ZNF677: variants seen among roughly 807,000 people sequenced by gnomAD.
ZNF677 encodes zinc finger protein 677, also known as hypothetical protein MGC48625.
A neutral mutation model predicts 8.1 loss-of-function variants in ZNF677; 5 were observed. The observed-to-expected ratio is 0.62, with a 90% confidence interval of 0.32 to 1.29. The LOEUF (loss-of-function observed/expected upper bound fraction) is 1.29. Ranked by LOEUF, ZNF677 falls within the 50% of genes most tolerant of loss-of-function variation. ZNF677 has a pLI of 0.05. For synonymous variants in ZNF677, 221 were observed against 225.6 expected, an observed-to-expected ratio of 0.98 and a Z score of 0.18; for missense variants, 685 against 685.9, an observed-to-expected ratio of 1.00 and a Z score of 0.01.
intron 3 of ZNF677, 21 bp from the exon 4 acceptor site, chr19:53,243,918 A>G: frequency 1.3e-6 from 2 of 1,552,910 alleles, no homozygotes; most frequent in South Asian, 1.2e-5. Flanking sequence ...AACACACTTC[A>G]CCAAGTGGAC....
chr19:53,244,321 T>C (rs76729818), intron 3 of ZNF677, among the ~76,000 whole-genome samples: 2,142 of 152,324 alleles, frequency 0.014, 61 homozygotes, highest in African/African-American at 0.049. Context: ...AGTGATCATG[T>C]CACTGCACCC....
Position 53,237,336 on chromosome 19 carries a change from CATTT to C in ZNF677, c.1387_1390del (p.Lys463ValfsTer149). 1 of 1,613,652 alleles carries C rather than the reference CATTT, an allele frequency of 6.2e-7. No individual in the cohort carries two copies. The highest frequency in any genetic ancestry group is 8.5e-7 in the Non-Finnish European group (1 of 1,179,922). On this transcript the variant is annotated frameshift_variant, in exon 5 of 5. Transcript: ENST00000598513. LOFTEE classifies it low-confidence loss of function (END_TRUNC). ...TGAACGTTTGATAAAAGCTTTATCA[CATTT>C]ATTACATTTGTAAGGTTTTTCTCCA...
At chr19:53,253,182 G>A (rs569144718) in intron 1 of ZNF677, 26 bp from the exon 2 acceptor site, 1 of 152,262 alleles carries the variant, frequency 6.6e-6, no homozygotes, top group South Asian at 2.1e-4. Flanking sequence ...AAGAGAAGAG[G>A]TTCATTTTGC....
At chr19:53,244,609 C>T (rs1312848731) in intron 3 of ZNF677, among the ~76,000 whole-genome samples, 1 of 152,116 alleles carries the variant, frequency 6.6e-6, no homozygotes. Context: ...GCAGACAAAA[C>T]AAATAAATGG....
intron 3 of ZNF677, among the ~76,000 whole-genome samples, chr19:53,250,062 G>A (rs1041937122): frequency 6.6e-6 from 1 of 151,968 alleles, no homozygotes; most frequent in Admixed American, 6.6e-5. Context: ...AGTAGAGACG[G>A]GATTTCACCA....
rs2090965864 is a variant in ZNF677, at chr19:53,235,526, G to A, written c.*1446C>T. The A allele has an allele frequency of 6.6e-6, 1 of 152,174 alleles. No homozygotes were observed. The highest frequency in any genetic ancestry group is 1.9e-4 in the East Asian group (1 of 5,202). The allele number at this position is 152,174 out of a possible 1,614,324, so 9.4% of individuals were successfully genotyped here. A position where few individuals can be genotyped will look rare whatever the true frequency, so the allele number is the denominator to read the frequency against. On this transcript the variant is annotated 3_prime_UTR_variant, in exon 5 of 5. Transcript: ENST00000598513. ...CTACTCTGGTTCTTTTGATGGAACT[G>A]TCCTCTATGGTAACCATTCTCTCTT...
chr19:53,253,567 A>T (rs374949798), intron 1 of ZNF677, among the ~76,000 whole-genome samples: 2 of 152,118 alleles, frequency 1.3e-5, no homozygotes, highest in East Asian at 3.9e-4. Flanking sequence ...CATGCCTTTA[A>T]TCCCAGCCAC....
chr19:53,241,458 C>T (rs2091047920), intron 4 of ZNF677: 1 of 180,348 alleles, frequency 5.5e-6, no homozygotes, highest in African/African-American at 2.3e-5. Context: ...AAATGTACAA[C>T]TGCACGTATG....
At position 53,238,461 on chromosome 19, in the gene ZNF677, T is replaced by G. The variant is rs757381090; in HGVS notation, c.266A>C (p.His89Pro). Residue 89 changes from histidine (H) to proline (P), a missense_variant, in exon 5 of 5, where the codon CAT (histidine) becomes CCT (proline). Transcript: ENST00000598513. The stretch of plus-strand genomic sequence containing the variant: ...CTTGAGGTCAAAATTGTTGATGCCA[T>G]GGCTTTCCTTTCTTTCTAATATCAC... ...HLVILERKES[H>P]GINNFDLKEV... The G allele has an allele frequency of 9.3e-6, 15 of 1,613,338 alleles. No individual in the cohort carries two copies. In the South Asian group the frequency reaches 1.4e-4, roughly 15 times the overall value.
chr19:53,241,302 A>C (rs1042799800), intron 4 of ZNF677: 1 of 152,266 alleles, frequency 6.6e-6, no homozygotes, highest in Non-Finnish European at 1.5e-5. Flanking sequence ...ACTGCTGATT[A>C]AATACATACA....
intron 3 of ZNF677, among the ~76,000 whole-genome samples, chr19:53,246,487 TACACACAC>T (rs60644090): frequency 0.025 from 3,548 of 140,172 alleles, 71 homozygotes; most frequent in African/African-American, 0.047. Flanking sequence ...AAAGAAAATG[TACACACAC>T]ACACACACAC....
At position 53,238,285 on chromosome 19, in the gene ZNF677, T is replaced by C. The variant is rs763729396; in HGVS notation, c.442A>G (p.Ser148Gly). The change falls in exon 5 of 5, where the codon AGT (serine) becomes GGT (glycine). Residue 148 changes from serine (S) to glycine (G), a missense_variant. By Grantham distance (56) the Ser-to-Gly change is moderately conservative (BLOSUM62 0). Transcript: ENST00000598513. Reference protein sequence around the residue: ...KSSIHFSLKQSVSIRDSAHQY... With the variant: ...KSSIHFSLKQGVSIRDSAHQY... The stretch of plus-strand genomic sequence containing the variant: ...TGTGCACTATCTCTTATAGAAACAC[T>C]CTGCTTTAAAGAGAAATGTATTGAG... The C allele has an allele frequency of 1.9e-6, 3 of 1,613,946 alleles. No individual in the cohort carries two copies. Among genetic ancestry groups the C allele is most frequent in the Non-Finnish European group, 2.5e-6 (3 of 1,179,928 alleles).
At chr19:53,246,069 A>C (rs1218630539) in intron 3 of ZNF677, among the ~76,000 whole-genome samples, 1 of 152,088 alleles carries the variant, frequency 6.6e-6, no homozygotes, top group South Asian at 2.1e-4. Context: ...CTGTAATCCC[A>C]GCACTTCAGA....
chr19:53,248,470 CTT>C lies in ZNF677; in HGVS notation c.15+3064_15+3065del, dbSNP rs2091182222. On this transcript the variant is annotated intron_variant, in intron 3 of 4. Coordinates refer to ENST00000598513, the MANE Select transcript of ZNF677 (RefSeq NM_182609.4). ...TGTCCTTTTACTTCAGCCTAAAAGA[CTT>C]TGCTTAACATTTCATGCAGGGTAAG... 2.6e-5 allele frequency among the ~76,000 whole-genome samples: 4 copies of C among 152,158 alleles called. No individual in the cohort carries two copies. In the South Asian group the frequency reaches 8.3e-4, roughly 32 times the overall value.
intron 4 of ZNF677, chr19:53,242,365 A>C (rs2091066047): frequency 2.5e-6 from 1 of 398,558 alleles, no homozygotes. Context: ...GTACGGGAGT[A>C]AAATAAAAGG....
chr19:53,243,049 T>A (rs1384692876), intron 4 of ZNF677: 1 of 152,444 alleles, frequency 6.6e-6, no homozygotes, highest in Non-Finnish European at 1.5e-5. Flanking sequence ...AATAAACTTT[T>A]GTTTTCCCAC....
rs920343004 is a variant in ZNF677 at position 53,236,061 on chromosome 19, A to C, written c.*911T>G. On this transcript the variant is annotated 3_prime_UTR_variant, in exon 5 of 5. Coordinates refer to ENST00000598513, the MANE Select transcript of ZNF677 (RefSeq NM_182609.4). ...AAAACAAAAAAACAAAAAACTAGCC[A>C]GGCATGATGGCGCATGCCTGTAATC... 2.6e-5 allele frequency: 4 copies of C among 152,234 alleles called. No homozygotes were observed. Among genetic ancestry groups the C allele is most frequent in the African/African-American group, 9.7e-5 (4 of 41,440 alleles). 9.4% of individuals were successfully genotyped at this position (152,234 alleles called of 1,614,324 possible).
intron 3 of ZNF677, among the ~76,000 whole-genome samples, chr19:53,248,303 ATT>A (rs1864285915): frequency 6.6e-6 from 1 of 152,198 alleles, no homozygotes; most frequent in South Asian, 2.1e-4. Context: ...CCAGTAACAG[ATT>A]TACAATTACT....
Position 53,237,273 on chromosome 19 carries a change from T to G in ZNF677, c.1454A>C (p.Lys485Thr), listed in dbSNP as rs756495587. The change falls in exon 5 of 5, where the codon AAA becomes ACA. Residue 485 changes from lysine to threonine, a missense_variant. Lys to Thr is a moderately conservative substitution (Grantham distance 78). Transcript: ENST00000598513. Reference sequence around the variant, plus strand: ...GCCACATTCAGTACATTTGTAAGGTTTCTCTCCAGTATGAGTTCTCTGATG... The same window carrying G: ...GCCACATTCAGTACATTTGTAAGGTGTCTCTCCAGTATGAGTTCTCTGATG... ...WGHQRTHTGE[K>T]PYKCTECGKA... 1.2e-6 allele frequency: 2 copies of G among 1,613,822 alleles called. No homozygotes were observed. The highest frequency in any genetic ancestry group is 2.2e-5 in the South Asian group (2 of 91,052).
Sources: allele counts gnomAD v4.1 joint callset (sites outside exome capture counted in the v4.1 genomes callset), GRCh38; gene constraint gnomAD v4.1.1; transcripts MANE v1.5; gene names NCBI Gene and HGNC (gene_info 2026-07-23, HGNC 2026-07-21).